The following SLC28A1 variants were observed in gnomAD, a reference collection of about 807,000 sequenced individuals.
SLC28A1 encodes solute carrier family 28 member 1, also known as sodium/nucleoside cotransporter 1.
In SLC28A1, 64 loss-of-function variants were observed where a neutral mutation model predicts 74.8. The ratio of observed to expected loss-of-function variants is 0.86; its 90% confidence interval spans 0.70 to 1.05. The LOEUF (loss-of-function observed/expected upper bound fraction) is 1.05, where lower values mean the gene tolerates loss of function less well. Ranked by LOEUF, SLC28A1 falls within the 50% of genes least tolerant of loss-of-function variation. SLC28A1 has a pLI of 0.00. For synonymous variants in SLC28A1, 359 were observed against 335.0 expected (o/e 1.07, Z -0.78); for missense variants, 828 against 822.8 (o/e 1.01, Z -0.08).
chr15:84,956,332 A>G, the SLC28A1 span, among the ~76,000 whole-genome samples: 1 of 152,130 alleles, frequency 6.6e-6, no homozygotes, highest in Admixed American at 6.6e-5. Flanking sequence ...GATTATGGCT[A>G]TAAGACTTGT....
chr15:84,895,363 G>C, intron 6 of SLC28A1: 1 of 1,614,008 alleles, frequency 6.2e-7, no homozygotes, highest in Non-Finnish European at 8.5e-7. Context: ...GGACTCAACA[G>C]TTTCCTCCAT....
chr15:84,961,063 A>T, the SLC28A1 span, among the ~76,000 whole-genome samples: 1 of 152,134 alleles, frequency 6.6e-6, no homozygotes, highest in Admixed American at 6.5e-5. Context: ...CTCGGGCAAG[A>T]TAATTTCAGG....
At chr15:84,907,005 CAG>C (rs1456780146) in intron 8 of SLC28A1, among the ~76,000 whole-genome samples, 2 of 152,138 alleles carry the variant, frequency 1.3e-5, no homozygotes, top group African/African-American at 4.8e-5. Flanking sequence ...GCTTTATAGA[CAG>C]AGAAAGGCTG....
chr15:84,927,679 C>G (rs1054356909), intron 12 of SLC28A1, among the ~76,000 whole-genome samples: 3 of 152,162 alleles, frequency 2.0e-5, no homozygotes, highest in Admixed American at 1.3e-4. Flanking sequence ...AAAAGGGCTT[C>G]TGGTCTCCGT....
At position 84,913,959 on chromosome 15, in the gene SLC28A1, A is replaced by AT. The variant is rs202123222; in HGVS notation, c.796-4558dup. Among the ~76,000 whole-genome samples, 491 of 151,800 alleles carry AT rather than the reference A, an allele frequency of 3.2e-3. 4 individuals are homozygous for AT. The highest frequency in any genetic ancestry group is 0.018 in the Admixed American group (280 of 15,232). On this transcript the variant is annotated intron_variant, in intron 9 of 18. Coordinates refer to ENST00000394573, the MANE Select transcript of SLC28A1 (RefSeq NM_004213.5). The stretch of plus-strand genomic sequence containing the variant: ...GGAGCCTCTTTTATTTTTTATTTTT[A>AT]TTTTTTTGAGACAGGATCTCACTCT...
chr15:84,895,760 A>C lies in SLC28A1; in HGVS notation c.461+637A>C, dbSNP rs28649017. The C allele has an allele frequency of 1.4e-5, 14 of 996,474 alleles. No homozygotes were observed. The South Asian group carries it at 3.1e-4, about 22-fold the overall frequency. 61.7% of individuals were successfully genotyped at this position (996,474 alleles called of 1,614,324 possible). A position where few individuals can be genotyped will look rare whatever the true frequency, so the allele number is the denominator to read the frequency against. ...CACAAAAAAGAAAATTCGCTGGGGG[A>C]AAAAAACAGTTTCTATGGCTTAAAA... On this transcript the variant is annotated intron_variant, in intron 6 of 18. Transcript: ENST00000394573.
At chr15:84,895,550 G>T in intron 6 of SLC28A1, 1 of 1,545,516 alleles carries the variant, frequency 6.5e-7, no homozygotes, top group South Asian at 1.2e-5. Flanking sequence ...GATGTAGCCA[G>T]CAGCGTCCTT....
chr15:84,961,845 C>A, the SLC28A1 span, among the ~76,000 whole-genome samples: 4 of 152,162 alleles, frequency 2.6e-5, no homozygotes, highest in African/African-American at 9.7e-5. Context: ...GCAGCACCTA[C>A]GACAGAGATA....
Position 84,915,331 on chromosome 15 carries a change from C to G in SLC28A1, c.796-3193C>G, listed in dbSNP as rs147737690. On this transcript the variant is annotated intron_variant, in intron 9 of 18. Coordinates refer to ENST00000394573, the MANE Select transcript of SLC28A1 (RefSeq NM_004213.5). ...GGACAGGAGAAAGAAAAGGCCTCAG[C>G]AGGGCTTGCCTCCCAGCTGCCCGGG... Among the ~76,000 whole-genome samples, 555 of 152,312 alleles carry G rather than the reference C, an allele frequency of 3.6e-3. 2 individuals carry two copies. Among genetic ancestry groups the G allele is most frequent in the African/African-American group, 0.013 (525 of 41,566 alleles).
At chr15:84,935,951 G>GTTTTTTTTTT (rs1262653065) in intron 15 of SLC28A1, among the ~76,000 whole-genome samples, 3 of 38,768 alleles carry the variant, frequency 7.7e-5, no homozygotes, top group Non-Finnish European at 1.5e-4. Context: ...TTTGGTTTTT[G>GTTTTTTTTTT]TTTTTTTTTT....
chr15:84,959,715 A>C, the SLC28A1 span, among the ~76,000 whole-genome samples: 1 of 151,808 alleles, frequency 6.6e-6, no homozygotes, highest in African/African-American at 2.4e-5. Flanking sequence ...GAGTAATATC[A>C]TTTCCTGTGT....
the SLC28A1 span, among the ~76,000 whole-genome samples, chr15:84,974,493 A>C: frequency 4.6e-5 from 7 of 152,152 alleles, no homozygotes; most frequent in African/African-American, 1.7e-4. Context: ...TGCTAATGCC[A>C]ACCTGGCAGG....
In SLC28A1 at chr15:84,945,305, G is replaced by C; in HGVS notation, c.*105G>C. On this transcript the variant is annotated 3_prime_UTR_variant, in exon 19 of 19. Transcript: ENST00000394573. The stretch of plus-strand genomic sequence containing the variant: ...AGAGCCCTCTTCAGGGAAGCCACAG[G>C]ACTTAGACCCAGCTCAATCCCACAA... The C allele has an allele frequency of 9.6e-7, 1 of 1,039,638 alleles. No homozygotes were observed. The allele number at this position is 1,039,638 out of a possible 1,614,324, so 64.4% of individuals were successfully genotyped here. A position where few individuals can be genotyped will look rare whatever the true frequency, so the allele number is the denominator to read the frequency against.
chr15:84,899,449 T>C (rs1966364519), intron 6 of SLC28A1, among the ~76,000 whole-genome samples: 1 of 151,766 alleles, frequency 6.6e-6, no homozygotes. Flanking sequence ...ACAAGAAACA[T>C]GAAGACTATA....
downstream of SLC28A1, among the ~76,000 whole-genome samples, chr15:84,946,083 T>TATATATATATATA (rs1321419859): frequency 8.3e-3 from 300 of 36,132 alleles, 69 homozygotes; most frequent in Non-Finnish European, 0.011. Flanking sequence ...TGTGTGTATG[T>TATATATATATATA]TCATATATAT....
At chr15:84,899,295 C>T (rs1451282397) in intron 6 of SLC28A1, among the ~76,000 whole-genome samples, 1 of 151,954 alleles carries the variant, frequency 6.6e-6, no homozygotes, top group Non-Finnish European at 1.5e-5. Flanking sequence ...GGCACAACTT[C>T]AGTGGCAAAT....
chr15:84,953,663 AGTGAGCT>A, the SLC28A1 span, among the ~76,000 whole-genome samples: 1 of 152,244 alleles, frequency 6.6e-6, no homozygotes, highest in Non-Finnish European at 1.5e-5. Context: ...GTGAGGCTAC[AGTGAGCT>A]GTGATCACAC....
chr15:84,973,464 A>C, the SLC28A1 span, among the ~76,000 whole-genome samples: 1 of 152,178 alleles, frequency 6.6e-6, no homozygotes, highest in South Asian at 2.1e-4. Flanking sequence ...GCCAATTGCC[A>C]TGGCCAGGGA....
downstream of SLC28A1, among the ~76,000 whole-genome samples, chr15:84,946,490 G>A (rs55983432): frequency 0.3 from 46,017 of 151,604 alleles, 7,373 homozygotes; most frequent in Middle Eastern, 0.41. Context: ...TCGGAGTCGC[G>A]GACAGGTTAA....
Sources: gnomAD v4.1 joint callset for allele counts (sites outside exome capture counted in the v4.1 genomes callset) on GRCh38, gnomAD v4.1.1 for gene constraint, MANE v1.5 for transcripts, NCBI Gene and HGNC (gene_info 2026-07-23, HGNC 2026-07-21) for gene names.